Variants in CSMD2 observed in about 807,000 individuals in gnomAD.
CSMD2 encodes CUB and sushi domain-containing protein 2.
Under a neutral mutation model 398.5 loss-of-function variants are expected in CSMD2, and 130 were observed. The observed-to-expected ratio is 0.33, with a 90% CI of 0.28 to 0.38. CSMD2 has a LOEUF of 0.38. CSMD2 is among the 10% of genes least tolerant of loss of function. CSMD2 has a pLI of 1.00. For missense variants in CSMD2, 3,829 were observed against 4,764.9 expected (o/e 0.80, Z 5.78); for synonymous variants, 1,828 against 1,908.5 (o/e 0.96, Z 1.10).
At chr1:34,051,866 T>C (rs1350238852) in intron 2 of CSMD2, among the ~76,000 whole-genome samples, 1 of 152,188 alleles carries the variant, frequency 6.6e-6, no homozygotes, top group African/African-American at 2.4e-5. Context: ...TTAAACATTA[T>C]TCTGGGTGTG....
At chr1:33,696,469 G>C (rs1187903890) in intron 24 of CSMD2, among the ~76,000 whole-genome samples, 1 of 152,168 alleles carries the variant, frequency 6.6e-6, no homozygotes, top group African/African-American at 2.4e-5. Flanking sequence ...CAACCTGATT[G>C]AAAGATGCCA....
chr1:33,979,401 G>A (rs1489225431), intron 3 of CSMD2, among the ~76,000 whole-genome samples: 1 of 152,134 alleles, frequency 6.6e-6, no homozygotes, highest in Non-Finnish European at 1.5e-5. Context: ...AGGCATTTCG[G>A]CTACCATCCA....
At chr1:34,024,847 T>C (rs1185505290) in intron 3 of CSMD2, among the ~76,000 whole-genome samples, 3 of 152,210 alleles carry the variant, frequency 2.0e-5, no homozygotes, top group African/African-American at 7.2e-5. Context: ...AATTTTGAGA[T>C]GTCTGCATCA....
At chr1:33,777,708 T>C (rs1438435394) in intron 12 of CSMD2, among the ~76,000 whole-genome samples, 2 of 152,150 alleles carry the variant, frequency 1.3e-5, no homozygotes, top group African/African-American at 4.8e-5. Context: ...CTGGAAAACA[T>C]GAGATGATTG....
At chr1:33,709,377 G>A in intron 21 of CSMD2, 119 bp from the exon 22 acceptor site, 1 of 787,286 alleles carries the variant, frequency 1.3e-6, no homozygotes, top group South Asian at 1.8e-5. Context: ...ACCTGCCAAG[G>A]TGCCTGCGTG....
At chr1:33,679,562 TA>T (rs1644835044) in intron 25 of CSMD2, among the ~76,000 whole-genome samples, 2 of 152,212 alleles carry the variant, frequency 1.3e-5, no homozygotes. Flanking sequence ...TACCCCCGTG[TA>T]AAATGGCTGT....
At chr1:33,858,934 G>C (rs61769873) in intron 5 of CSMD2, among the ~76,000 whole-genome samples, 12 of 152,230 alleles carry the variant, frequency 7.9e-5, no homozygotes, top group African/African-American at 2.9e-4. Context: ...ATGAGTCAGC[G>C]AGTGAAGAAG....
chr1:34,041,286 A>ACTGAGGC (rs1217932988), intron 2 of CSMD2, among the ~76,000 whole-genome samples: 5 of 152,266 alleles, frequency 3.3e-5, no homozygotes, highest in African/African-American at 1.2e-4. Flanking sequence ...TTCAGGTGTC[A>ACTGAGGC]CTGAGGCCTT....
intron 1 of CSMD2, among the ~76,000 whole-genome samples, chr1:34,110,643 T>C (rs1219656387): frequency 1.3e-5 from 2 of 152,160 alleles, no homozygotes; most frequent in Non-Finnish European, 2.9e-5. Context: ...ATACCACATA[T>C]TCTTACTTAT....
chr1:33,980,830 T>A (rs1420856472), intron 3 of CSMD2, among the ~76,000 whole-genome samples: 2 of 152,182 alleles, frequency 1.3e-5, no homozygotes, highest in Admixed American at 6.5e-5. Flanking sequence ...GATAATCTGA[T>A]CTTGTCTCTC....
rs1380107627 is a variant in CSMD2, at chr1:33,742,787, T to C, written c.2173+493A>G. Among the ~76,000 whole-genome samples the C allele has an allele frequency of 1.3e-5, 2 of 152,034 alleles. 1 individual carries two copies. The highest frequency in any genetic ancestry group is 3.9e-4 in the East Asian group (2 of 5,166). ...CCAACAGAAGTGTTGCTCCAAAGCT[T>C]TGATTCTGATGTGACTATGGGAATG... On this transcript the variant is annotated intron_variant, in intron 14 of 70. Transcript: ENST00000373381.
At chr1:34,126,916 T>G (rs1662799309) in intron 1 of CSMD2, among the ~76,000 whole-genome samples, 1 of 142,192 alleles carries the variant, frequency 7.0e-6, no homozygotes, top group African/African-American at 2.7e-5. Flanking sequence ...GCAGAGAAAA[T>G]CAGGGACTCA....
intron 10 of CSMD2, among the ~76,000 whole-genome samples, chr1:33,809,148 T>C (rs947518195): frequency 6.6e-6 from 1 of 151,928 alleles, no homozygotes; most frequent in African/African-American, 2.4e-5. Flanking sequence ...CCCCAAAGGA[T>C]AGAAAGAGAG....
chr1:33,649,842 G>A (rs908535101), intron 28 of CSMD2, among the ~76,000 whole-genome samples: 1 of 152,102 alleles, frequency 6.6e-6, no homozygotes, highest in African/African-American at 2.4e-5. Flanking sequence ...AGGGGGAGGA[G>A]GTCATACATC....
intron 1 of CSMD2, among the ~76,000 whole-genome samples, chr1:34,105,089 G>T (rs756216075): frequency 6.6e-6 from 1 of 152,120 alleles, no homozygotes; most frequent in Non-Finnish European, 1.5e-5. Flanking sequence ...TTAAGTGCTG[G>T]GTGACACAAT....
chr1:33,667,627 G>A (rs1038124477), intron 25 of CSMD2, among the ~76,000 whole-genome samples: 5 of 152,178 alleles, frequency 3.3e-5, no homozygotes, highest in African/African-American at 1.2e-4. Context: ...CAGTTTATAT[G>A]TGAGTCATAC....
intron 1 of CSMD2, among the ~76,000 whole-genome samples, chr1:34,138,258 G>A (rs561095678): frequency 6.6e-6 from 1 of 152,304 alleles, no homozygotes; most frequent in East Asian, 1.9e-4. Flanking sequence ...CATGTACATT[G>A]TACTTTGGAA....
chr1:33,643,357 A>G (rs1643221700), intron 29 of CSMD2, among the ~76,000 whole-genome samples: 1 of 152,242 alleles, frequency 6.6e-6, no homozygotes, highest in Non-Finnish European at 1.5e-5. Context: ...CACACTTTAC[A>G]TCTTCAGTAA....
At chr1:33,706,658 G>C (rs1344102477) in intron 22 of CSMD2, among the ~76,000 whole-genome samples, 3 of 152,150 alleles carry the variant, frequency 2.0e-5, no homozygotes, top group Non-Finnish European at 4.4e-5. Context: ...CACAACAGAG[G>C]GAAAATGGAA....
Sources: gnomAD v4.1 joint callset for allele counts (sites outside exome capture counted in the v4.1 genomes callset) on GRCh38, gnomAD v4.1.1 for gene constraint, MANE v1.5 for transcripts, NCBI Gene and HGNC (gene_info 2026-07-23, HGNC 2026-07-21) for gene names.